MTDH: variants seen among roughly 807,000 people sequenced by gnomAD.
The protein encoded by MTDH is protein LYRIC.
In MTDH, 34 loss-of-function variants were observed where a neutral mutation model predicts 72.7. That is an observed-to-expected ratio of 0.47 (90% CI 0.36 to 0.62). The LOEUF (loss-of-function observed/expected upper bound fraction) is 0.62. MTDH is among the 20% of genes least tolerant of loss of function. The pLI, the probability that MTDH is intolerant of heterozygous loss-of-function variation, is 0.00. For missense variants in MTDH, 677 were observed against 699.4 expected (o/e 0.97, Z 0.36); for synonymous variants, 266 against 268.9 (o/e 0.99, Z 0.10).
chr8:97,691,039 G>T lies in MTDH; in HGVS notation c.899G>T (p.Gly300Val), dbSNP rs771110098. ...SVKLSSQISA[G>V]EEKWNSVSPA... ...AAACTCTCCTCACAGATCAGTGCAG[G>T]TGAGGAGAAGTGGAACTCCGTTTCA... The change falls in exon 6 of 12, where the codon GGT becomes GTT. Residue 300 changes from glycine (G) to valine (V), a missense_variant. By Grantham distance (109) the Gly-to-Val change is moderately radical. Transcript: ENST00000336273. 1 of 1,614,154 alleles carries T rather than the reference G, an allele frequency of 6.2e-7. No individual in the cohort carries two copies. Among genetic ancestry groups the T allele is most frequent in the East Asian group, 2.2e-5 (1 of 44,876 alleles).
intron 1 of MTDH, among the ~76,000 whole-genome samples, chr8:97,656,821 G>A (rs754447939): frequency 1.8e-4 from 28 of 151,534 alleles, no homozygotes; most frequent in Non-Finnish European, 2.8e-4. Flanking sequence ...GCAGCATAGC[G>A]GAACCCGCTC....
intron 4 of MTDH, 31 bp downstream of exon 4, chr8:97,687,636 A>G: frequency 6.6e-7 from 1 of 1,504,252 alleles, no homozygotes; most frequent in Non-Finnish European, 8.9e-7. Context: ...ACAGTGGTAC[A>G]TCAAATCAAA....
chr8:97,723,415 A>G (rs1056859122), intron 11 of MTDH, among the ~76,000 whole-genome samples: 12 of 147,398 alleles, frequency 8.1e-5, no homozygotes, highest in African/African-American at 2.5e-4. Flanking sequence ...AAAACGTCTA[A>G]TGGATTAATA....
intron 11 of MTDH, 60 bp downstream of exon 11, chr8:97,723,095 C>A: frequency 1.3e-6 from 2 of 1,545,894 alleles, no homozygotes; most frequent in South Asian, 1.2e-5. Flanking sequence ...TGTTAAGGTT[C>A]TGATCTTAAA....
At chr8:97,703,577 A>G (rs545316366) in intron 7 of MTDH, among the ~76,000 whole-genome samples, 1 of 152,310 alleles carries the variant, frequency 6.6e-6, no homozygotes, top group South Asian at 2.1e-4. Flanking sequence ...GATTTAAGCA[A>G]AGCCACTGAT....
At chr8:97,712,867 G>C (rs998598397) in intron 8 of MTDH, among the ~76,000 whole-genome samples, 1 of 151,902 alleles carries the variant, frequency 6.6e-6, no homozygotes, top group Non-Finnish European at 1.5e-5. Flanking sequence ...ATTTTCTAAG[G>C]GGATTTTTTT....
In MTDH at chr8:97,691,312, T is replaced by TA. The variant is rs1813598652; in HGVS notation, c.1048+126dup. The TA allele has an allele frequency of 4.6e-6, 3 of 654,612 alleles. No homozygotes were observed. In the East Asian group the frequency reaches 8.4e-5, roughly 18 times the overall value. The allele number at this position is 654,612 out of a possible 1,614,324, so 40.6% of individuals were successfully genotyped here. On this transcript the variant is annotated intron_variant, in intron 6 of 11. Coordinates refer to ENST00000336273, the MANE Select transcript of MTDH (RefSeq NM_178812.4). ...AAGTACTGCTCTGCAGAAATAATAG[T>TA]AATAATTAACTCATCTCACATCCTT...
At chr8:97,665,171 A>G (rs1460367616) in intron 2 of MTDH, among the ~76,000 whole-genome samples, 1 of 152,118 alleles carries the variant, frequency 6.6e-6, no homozygotes, top group Non-Finnish European at 1.5e-5. Context: ...GAGAAGTACA[A>G]TTTTTGTCTG....
chr8:97,729,728 G>A lies in MTDH; in HGVS notation c.*5058G>A, dbSNP rs1033376796. Among the ~76,000 whole-genome samples the A allele has an allele frequency of 2.2e-4, 33 of 152,104 alleles. No homozygotes were observed. Among genetic ancestry groups the A allele is most frequent in the African/African-American group, 7.7e-4 (32 of 41,420 alleles). On this transcript the variant is annotated 3_prime_UTR_variant, in exon 12 of 12. Transcript: ENST00000336273. ...GCTGGTCTCCAATTCCTGGGTTCAA[G>A]CAATCCTCCTGACTCAGCCTCCTAA...
rs76690606 is a variant in MTDH, at chr8:97,661,495, A to G, written c.483+322A>G. ...ACATATATACCTTTTATTCAAAAAC[A>G]GAACTGTGGAATTGTGTTACCTTTG... On this transcript the variant is annotated intron_variant, in intron 2 of 11. Coordinates refer to ENST00000336273, the MANE Select transcript of MTDH (RefSeq NM_178812.4). Among the ~76,000 whole-genome samples, 731 of 152,350 alleles carry G rather than the reference A, an allele frequency of 4.8e-3. 3 individuals are homozygous for G. Among genetic ancestry groups the G allele is most frequent in the South Asian group, 0.024 (116 of 4,832 alleles).
At chr8:97,687,757 A>G (rs752637434) in intron 4 of MTDH, 152 bp downstream of exon 4, 74 of 638,006 alleles carry the variant, frequency 1.2e-4, no homozygotes, top group Non-Finnish European at 1.6e-4. Context: ...TGAACCATGT[A>G]TCGGTTTACC....
intron 8 of MTDH, among the ~76,000 whole-genome samples, chr8:97,712,496 A>G (rs1014033418): frequency 6.6e-6 from 1 of 152,124 alleles, no homozygotes; most frequent in Non-Finnish European, 1.5e-5. Context: ...ATTGAAGGAC[A>G]TTTGTGTCCT....
chr8:97,708,362 A>G (rs528172717), intron 8 of MTDH, among the ~76,000 whole-genome samples: 5 of 126,484 alleles, frequency 4.0e-5, no homozygotes, highest in Admixed American at 9.1e-5. Flanking sequence ...GCTCTCTGCA[A>G]CCTCCCCCTC....
At chr8:97,646,383 T>A (rs1811563805) in intron 1 of MTDH, among the ~76,000 whole-genome samples, 1 of 152,192 alleles carries the variant, frequency 6.6e-6, no homozygotes, top group Non-Finnish European at 1.5e-5. Context: ...ATAAATAATT[T>A]AAAAATTTGT....
chr8:97,685,235 A>G (rs186509611), intron 2 of MTDH, among the ~76,000 whole-genome samples: 15 of 152,262 alleles, frequency 9.9e-5, no homozygotes, highest in Admixed American at 5.2e-4. Flanking sequence ...ATAAAGCAGT[A>G]TATTAATTAT....
chr8:97,694,804 T>C (rs1238868156), intron 6 of MTDH, among the ~76,000 whole-genome samples: 2 of 151,792 alleles, frequency 1.3e-5, no homozygotes, highest in African/African-American at 4.8e-5. Flanking sequence ...GTGCCTGTAA[T>C]CCCAGCTACT....
intron 7 of MTDH, among the ~76,000 whole-genome samples, chr8:97,705,659 G>A (rs942990051): frequency 6.6e-6 from 1 of 152,162 alleles, no homozygotes; most frequent in Non-Finnish European, 1.5e-5. Flanking sequence ...GTATTAGTGG[G>A]AAATGATTGG....
intron 1 of MTDH, among the ~76,000 whole-genome samples, chr8:97,650,100 GCGCC>G (rs1811712760): frequency 6.8e-6 from 1 of 147,234 alleles, no homozygotes; most frequent in African/African-American, 2.5e-5. Flanking sequence ...GGGACTACAG[GCGCC>G]CACCACCATG....
intron 6 of MTDH, among the ~76,000 whole-genome samples, chr8:97,692,319 A>ATG (rs1813641941): frequency 6.6e-6 from 1 of 152,128 alleles, no homozygotes. Context: ...TGGCCCTATA[A>ATG]TGTTTAAGGA....
Sources: allele counts gnomAD v4.1 joint callset (sites outside exome capture counted in the v4.1 genomes callset), GRCh38; gene constraint gnomAD v4.1.1; transcripts MANE v1.5; gene names NCBI Gene and HGNC (gene_info 2026-07-23, HGNC 2026-07-21).